Variants in CNTN4 observed in about 807,000 individuals in gnomAD.
CNTN4 encodes the protein contactin 4, also known as contactin-4.
CNTN4 carries 77 observed loss-of-function variants against 122.5 expected under a neutral mutation model. The observed-to-expected ratio is 0.63, with a 90% CI of 0.52 to 0.76. The LOEUF is 0.76. Ranked by LOEUF, CNTN4 falls within the 30% of genes least tolerant of loss-of-function variation. CNTN4 has a pLI of 0.00. For missense variants in CNTN4, 1,256 were observed against 1,259.1 expected (o/e 1.00, Z 0.04); for synonymous variants, 512 against 447.0 (o/e 1.15, Z -1.83).
At chr3:2,428,517 A>T (rs2047932282) in intron 3 of CNTN4, among the ~76,000 whole-genome samples, 5 of 151,976 alleles carry the variant, frequency 3.3e-5, no homozygotes, top group Admixed American at 2.0e-4. Context: ...TTTTTCCTTC[A>T]TTTCAACTTT....
At chr3:2,340,710 T>TATAGAGAGAG in intron 3 of CNTN4, among the ~76,000 whole-genome samples, 242 of 18,284 alleles carry the variant, frequency 0.013, 6 homozygotes, top group African/African-American at 0.023. Context: ...TATATATATA[T>TATAGAGAGAG]AGAGAGAGAG....
intron 15 of CNTN4, among the ~76,000 whole-genome samples, chr3:3,026,546 A>G (rs543932575): frequency 6.6e-6 from 1 of 152,120 alleles, no homozygotes; most frequent in Admixed American, 6.6e-5. Flanking sequence ...GCATTGGATG[A>G]CTTGCCTTGG....
At chr3:2,868,964 T>C (rs990130905) in intron 8 of CNTN4, among the ~76,000 whole-genome samples, 13 of 152,114 alleles carry the variant, frequency 8.5e-5, no homozygotes, top group African/African-American at 3.1e-4. Flanking sequence ...AGGGCAGAGC[T>C]TTCCAGGCTG....
At chr3:2,215,883 CAAAAAAAAAA>C (rs869205172) in intron 2 of CNTN4, among the ~76,000 whole-genome samples, 1 of 60,270 alleles carries the variant, frequency 1.7e-5, no homozygotes, top group African/African-American at 6.6e-5. Context: ...GCCTCTGTCT[CAAAAAAAAAA>C]AAAAAAAAAA....
chr3:2,450,612 A>T (rs890453968), intron 3 of CNTN4, among the ~76,000 whole-genome samples: 1 of 152,070 alleles, frequency 6.6e-6, no homozygotes, highest in African/African-American at 2.4e-5. Flanking sequence ...TCTCCTGTCC[A>T]GGTTTTTACC....
intron 6 of CNTN4, among the ~76,000 whole-genome samples, chr3:2,804,737 C>CTTTAGTT (rs1553643947): frequency 6.9e-6 from 1 of 144,880 alleles, no homozygotes. Context: ...ATTTTGAGCA[C>CTTTAGTT]TTTTTTTTTG....
intron 2 of CNTN4, among the ~76,000 whole-genome samples, chr3:2,258,212 A>G (rs970491171): frequency 2.0e-5 from 3 of 152,206 alleles, no homozygotes. Context: ...AGAACCAGAA[A>G]CACCATTTAA....
At chr3:2,339,300 A>G (rs1490339900) in intron 3 of CNTN4, 67 bp downstream of exon 3, 1 of 152,100 alleles carries the variant, frequency 6.6e-6, no homozygotes, top group Non-Finnish European at 1.5e-5. Context: ...CTTAGTTTCT[A>G]TGGAAACATT....
chr3:2,267,782 CTT>C lies in CNTN4; in HGVS notation c.-144-71394_-144-71393del, dbSNP rs2041111421. On this transcript the variant is annotated intron_variant, in intron 2 of 24. Coordinates refer to ENST00000418658, the MANE Select transcript of CNTN4 (RefSeq NM_175607.3). ...TCTTATGTACATTGAAAAAATGACA[CTT>C]TATTGGTTTTGATTCTACCACCAAG... Among the ~76,000 whole-genome samples the C allele has an allele frequency of 2.0e-5, 3 of 152,072 alleles. No homozygotes were observed. The South Asian group carries it at 6.2e-4, about 32-fold the overall frequency.
intron 4 of CNTN4, among the ~76,000 whole-genome samples, chr3:2,691,058 G>A (rs2085711346): frequency 6.6e-6 from 1 of 152,140 alleles, no homozygotes; most frequent in South Asian, 2.1e-4. Flanking sequence ...GTGATCTTTG[G>A]TGTAGGTCTT....
chr3:2,586,278 T>C (rs1380749672), intron 4 of CNTN4, among the ~76,000 whole-genome samples: 1 of 152,164 alleles, frequency 6.6e-6, no homozygotes, highest in South Asian at 2.1e-4. Context: ...TTGTTTGTTG[T>C]TGTTGTTTTG....
At chr3:2,894,562 T>G (rs933255167) in intron 10 of CNTN4, among the ~76,000 whole-genome samples, 1 of 152,196 alleles carries the variant, frequency 6.6e-6, no homozygotes, top group African/African-American at 2.4e-5. Context: ...GTGAAGCTGA[T>G]TAGATATTCC....
intron 3 of CNTN4, among the ~76,000 whole-genome samples, chr3:2,488,475 G>C (rs1198886915): frequency 6.6e-6 from 1 of 152,138 alleles, no homozygotes; most frequent in Non-Finnish European, 1.5e-5. Context: ...TGCCCTGTGT[G>C]AGATGTCCTC....
chr3:2,761,987 A>C (rs2222104), intron 6 of CNTN4, among the ~76,000 whole-genome samples: 97,749 of 151,972 alleles, frequency 0.64, 33,406 homozygotes, highest in Non-Finnish European at 0.76. Flanking sequence ...TAAATATTTA[A>C]TGAATACCAA....
At chr3:2,631,390 A>T (rs2082421546) in intron 4 of CNTN4, among the ~76,000 whole-genome samples, 1 of 152,182 alleles carries the variant, frequency 6.6e-6, no homozygotes, top group Non-Finnish European at 1.5e-5. Flanking sequence ...TATGTAGTAG[A>T]AGAAGAAAGC....
At chr3:2,615,461 G>T (rs2081678619) in intron 4 of CNTN4, among the ~76,000 whole-genome samples, 1 of 152,056 alleles carries the variant, frequency 6.6e-6, no homozygotes, top group African/African-American at 2.4e-5. Flanking sequence ...TTTCATGTAG[G>T]TAAAGGGAAT....
intron 3 of CNTN4, among the ~76,000 whole-genome samples, chr3:2,388,810 A>C (rs1271567015): frequency 6.6e-6 from 1 of 151,760 alleles, no homozygotes; most frequent in Non-Finnish European, 1.5e-5. Context: ...TCACCACTGC[A>C]CTCCAGCATG....
At chr3:2,960,952 C>T (rs1004553509) in intron 13 of CNTN4, among the ~76,000 whole-genome samples, 10 of 151,938 alleles carry the variant, frequency 6.6e-5, no homozygotes, top group African/African-American at 1.9e-4. Context: ...CCTATTGTGC[C>T]GGGCGCGGTG....
At chr3:2,867,020 G>A (rs148903705) in intron 8 of CNTN4, 71 bp downstream of exon 8, 15 of 1,313,766 alleles carry the variant, frequency 1.1e-5, no homozygotes, top group Admixed American at 1.7e-5. Flanking sequence ...ATGTTATGTT[G>A]TTGGCACATG....
Sources: gnomAD v4.1 joint callset for allele counts (sites outside exome capture counted in the v4.1 genomes callset) on GRCh38, gnomAD v4.1.1 for gene constraint, MANE v1.5 for transcripts, NCBI Gene and HGNC (gene_info 2026-07-23, HGNC 2026-07-21) for gene names.